Variants in ZNF277 observed in about 807,000 individuals in gnomAD.
The protein encoded by ZNF277 is zinc finger protein 277, also known as nuclear receptor-interacting factor 4.
ZNF277 carries 55 observed loss-of-function variants against 60.7 expected under a neutral mutation model. The observed-to-expected ratio is 0.91, with a 90% CI of 0.73 to 1.13. The LOEUF is 1.13. Among genes scored for constraint, ZNF277 ranks in the 50% most tolerant of loss-of-function variants. The probability of loss-of-function intolerance (pLI) is 0.00; values close to 1 mark genes in which losing one functional copy is unlikely to be tolerated. For missense variants in ZNF277, 510 were observed against 523.0 expected (o/e 0.98, Z 0.24); for synonymous variants, 178 against 179.3 (o/e 0.99, Z 0.06).
chr7:112,265,389 G>C (rs189654989), intron 1 of ZNF277, among the ~76,000 whole-genome samples: 2 of 152,072 alleles, frequency 1.3e-5, no homozygotes, highest in Non-Finnish European at 2.9e-5. Context: ...GAACACACAC[G>C]TTTATCTTAA....
intron 1 of ZNF277, among the ~76,000 whole-genome samples, chr7:112,256,432 T>TG (rs1791310344): frequency 6.9e-6 from 1 of 144,610 alleles, no homozygotes; most frequent in African/African-American, 2.6e-5. Context: ...TTTTTTTTTT[T>TG]TTTTTTTTTT....
intron 1 of ZNF277, among the ~76,000 whole-genome samples, chr7:112,275,976 G>C (rs1791783849): frequency 6.6e-6 from 1 of 152,174 alleles, no homozygotes; most frequent in Non-Finnish European, 1.5e-5. Context: ...GTGCTTTGCT[G>C]ACATAAGAGG....
At chr7:112,244,991 C>G (rs1791050556) in intron 1 of ZNF277, among the ~76,000 whole-genome samples, 1 of 151,844 alleles carries the variant, frequency 6.6e-6, no homozygotes, top group Non-Finnish European at 1.5e-5. Context: ...TGTTTTTTTT[C>G]TACTTTGAAT....
chr7:112,264,571 G>A (rs2117029408), intron 1 of ZNF277, among the ~76,000 whole-genome samples: 1 of 152,078 alleles, frequency 6.6e-6, no homozygotes, highest in South Asian at 2.1e-4. Context: ...ATATTCCATG[G>A]TGTGGAAAGT....
chr7:112,243,072 A>G (rs969563703), intron 1 of ZNF277, among the ~76,000 whole-genome samples: 2 of 151,960 alleles, frequency 1.3e-5, no homozygotes, highest in African/African-American at 4.8e-5. Flanking sequence ...ATACACTACA[A>G]AAGGACACCC....
At chr7:112,320,894 A>ATTTTTAG (rs1334348661) in intron 5 of ZNF277, among the ~76,000 whole-genome samples, 1 of 118,112 alleles carries the variant, frequency 8.5e-6, no homozygotes, top group Admixed American at 8.3e-5. Context: ...CTAGTGTATG[A>ATTTTTAG]TTTTTAGTTC....
At chr7:112,238,259 G>A (rs1250093819) in intron 1 of ZNF277, among the ~76,000 whole-genome samples, 2 of 152,214 alleles carry the variant, frequency 1.3e-5, no homozygotes, top group Non-Finnish European at 2.9e-5. Flanking sequence ...GGAGAGCGCA[G>A]TAATTGTGGG....
chr7:112,245,316 G>A (rs749932110), intron 1 of ZNF277, among the ~76,000 whole-genome samples: 4 of 152,216 alleles, frequency 2.6e-5, no homozygotes, highest in Non-Finnish European at 5.9e-5. Flanking sequence ...GGGTAAAGGT[G>A]ACAGAGAATG....
At chr7:112,298,829 G>C (rs184664803) in intron 4 of ZNF277, among the ~76,000 whole-genome samples, 1 of 152,288 alleles carries the variant, frequency 6.6e-6, no homozygotes, top group East Asian at 1.9e-4. Context: ...AACACATAGT[G>C]AATGAGGTGC....
chr7:112,242,136 C>A (rs1428001504), intron 1 of ZNF277, among the ~76,000 whole-genome samples: 1 of 151,758 alleles, frequency 6.6e-6, no homozygotes, highest in African/African-American at 2.4e-5. Context: ...ATACTGTTTA[C>A]CCATAAAAAT....
At chr7:112,251,216 G>A (rs1032930415) in intron 1 of ZNF277, among the ~76,000 whole-genome samples, 1 of 152,134 alleles carries the variant, frequency 6.6e-6, no homozygotes, top group Non-Finnish European at 1.5e-5. Context: ...GCATGTTTAT[G>A]TGCTAAATTT....
intron 11 of ZNF277, chr7:112,341,265 G>C (rs1294314960): frequency 2.7e-6 from 1 of 376,612 alleles, no homozygotes; most frequent in South Asian, 8.1e-5. Flanking sequence ...CAGTATTTGT[G>C]ATATGGAGAT....
intron 1 of ZNF277, among the ~76,000 whole-genome samples, chr7:112,222,635 T>C (rs1359010225): frequency 1.3e-5 from 2 of 152,220 alleles, no homozygotes; most frequent in African/African-American, 4.8e-5. Flanking sequence ...AAATCAACTT[T>C]TAGTTGTGTT....
intron 11 of ZNF277, 182 bp downstream of exon 11, chr7:112,341,228 C>T: frequency 2.1e-6 from 1 of 466,960 alleles, no homozygotes; most frequent in Non-Finnish European, 3.5e-6. Context: ...AATAATCCCC[C>T]TCTTACAAAT....
intron 1 of ZNF277, among the ~76,000 whole-genome samples, chr7:112,267,144 G>A (rs1791567462): frequency 6.6e-6 from 1 of 152,166 alleles, no homozygotes; most frequent in Non-Finnish European, 1.5e-5. Context: ...GTGAGATTCA[G>A]AGCAAAGCAT....
chr7:112,265,480 T>A (rs181177289), intron 1 of ZNF277, among the ~76,000 whole-genome samples: 1 of 152,160 alleles, frequency 6.6e-6, no homozygotes, highest in Non-Finnish European at 1.5e-5. Context: ...GTATCACTGA[T>A]CACAGATCGC....
intron 4 of ZNF277, among the ~76,000 whole-genome samples, chr7:112,308,969 T>C (rs1792661847): frequency 6.6e-6 from 1 of 152,042 alleles, no homozygotes; most frequent in Non-Finnish European, 1.5e-5. Context: ...GACTTAGCAA[T>C]ATCTATTTGT....
intron 1 of ZNF277, among the ~76,000 whole-genome samples, chr7:112,209,881 G>C (rs920324890): frequency 6.6e-6 from 1 of 152,056 alleles, no homozygotes; most frequent in Non-Finnish European, 1.5e-5. Context: ...ATCATTGTGA[G>C]CAAACTATCG....
At chr7:112,247,316 A>G (rs1451125015) in intron 1 of ZNF277, among the ~76,000 whole-genome samples, 1 of 152,150 alleles carries the variant, frequency 6.6e-6, no homozygotes, top group Non-Finnish European at 1.5e-5. Flanking sequence ...TTTGGTCAAC[A>G]TTAGCTAGGG....
Sources: gnomAD v4.1 joint callset for allele counts (sites outside exome capture counted in the v4.1 genomes callset) on GRCh38, gnomAD v4.1.1 for gene constraint, MANE v1.5 for transcripts, NCBI Gene and HGNC (gene_info 2026-07-23, HGNC 2026-07-21) for gene names.